GABRB3: variants seen among roughly 807,000 people sequenced by gnomAD.
GABRB3 encodes gamma-aminobutyric acid type A receptor subunit beta3.
In GABRB3, 14 loss-of-function variants were observed where a neutral mutation model predicts 52.1. That is an observed-to-expected ratio of 0.27 (90% CI 0.18 to 0.42). The LOEUF is 0.42. Ranked by LOEUF, GABRB3 falls within the 10% of genes least tolerant of loss-of-function variation. GABRB3 has a pLI of 1.00. For missense variants in GABRB3, 307 were observed against 609.1 expected, an observed-to-expected ratio of 0.50 and a Z score of 5.22; for synonymous variants, 260 against 232.3, an observed-to-expected ratio of 1.12 and a Z score of -1.08.
At chr15:26,665,362 G>A (rs943390223) in intron 3 of GABRB3, among the ~76,000 whole-genome samples, 2 of 152,098 alleles carry the variant, frequency 1.3e-5, no homozygotes, top group African/African-American at 4.8e-5. Flanking sequence ...ATGCAAAACA[G>A]AATCATCATG....
At chr15:26,729,710 T>C (rs1271305761) in intron 3 of GABRB3, among the ~76,000 whole-genome samples, 1 of 152,126 alleles carries the variant, frequency 6.6e-6, no homozygotes, top group Non-Finnish European at 1.5e-5. Context: ...ACACCATCTG[T>C]TCCCTATGCC....
chr15:26,710,744 T>TA lies in GABRB3; in HGVS notation c.240+61657dup, dbSNP rs1410079871. Among the ~76,000 whole-genome samples, 3 of 152,364 alleles carry TA rather than the reference T, an allele frequency of 2.0e-5. No homozygotes were observed. In the East Asian group the frequency reaches 5.8e-4, roughly 29 times the overall value. On this transcript the variant is annotated intron_variant, in intron 3 of 8. Coordinates refer to ENST00000311550, the MANE Select transcript of GABRB3 (RefSeq NM_000814.6). ...TGTCAATCTTCAAGGGAAATATTGATACAAAGAGTGTGCCCATTTTTCAAC... is the reference window on the plus strand; with the variant it reads ...TGTCAATCTTCAAGGGAAATATTGATAACAAAGAGTGTGCCCATTTTTCAAC...
At chr15:26,605,949 C>T (rs34925759) in intron 4 of GABRB3, among the ~76,000 whole-genome samples, 74,638 of 151,856 alleles carry the variant, frequency 0.49, 19,440 homozygotes, top group Middle Eastern at 0.59. Flanking sequence ...CAGCGGAAGT[C>T]GAATACGAAG....
At chr15:26,740,068 TG>T (rs935524654) in intron 3 of GABRB3, among the ~76,000 whole-genome samples, 2 of 152,282 alleles carry the variant, frequency 1.3e-5, no homozygotes, top group African/African-American at 4.8e-5. Context: ...TAAGCCAGTG[TG>T]GGTATCATCA....
chr15:26,678,624 G>T (rs984809791), intron 3 of GABRB3, among the ~76,000 whole-genome samples: 3 of 152,122 alleles, frequency 2.0e-5, no homozygotes, highest in African/African-American at 7.2e-5. Context: ...GAAAAACCGA[G>T]AGAAAGCCAG....
chr15:26,653,659 G>A (rs1887270361), intron 3 of GABRB3, among the ~76,000 whole-genome samples: 1 of 152,102 alleles, frequency 6.6e-6, no homozygotes, highest in Non-Finnish European at 1.5e-5. Context: ...TGATATATTG[G>A]CTGTATCTGG....
At chr15:26,766,155 T>A (rs1320406038) in intron 3 of GABRB3, among the ~76,000 whole-genome samples, 1 of 152,228 alleles carries the variant, frequency 6.6e-6, no homozygotes, top group African/African-American at 2.4e-5. Flanking sequence ...TCATTATGAA[T>A]GACAAAAGAT....
intron 3 of GABRB3, among the ~76,000 whole-genome samples, chr15:26,668,721 G>C (rs965125021): frequency 6.6e-6 from 1 of 152,154 alleles, no homozygotes; most frequent in African/African-American, 2.4e-5. Context: ...TAATCAAGGG[G>C]AGTAAATTGT....
chr15:26,637,498 G>A (rs1893090972), intron 3 of GABRB3, among the ~76,000 whole-genome samples: 2 of 152,164 alleles, frequency 1.3e-5, no homozygotes, highest in South Asian at 2.1e-4. Flanking sequence ...GCAGCATCTA[G>A]GATGGTGCTG....
At chr15:26,753,174 G>A (rs1890563462) in intron 3 of GABRB3, among the ~76,000 whole-genome samples, 1 of 152,150 alleles carries the variant, frequency 6.6e-6, no homozygotes. Context: ...CCAGATGGTG[G>A]AGCTGGTCCT....
chr15:26,686,586 T>G (rs1449783580), intron 3 of GABRB3, among the ~76,000 whole-genome samples: 1 of 152,218 alleles, frequency 6.6e-6, no homozygotes, highest in Non-Finnish European at 1.5e-5. Flanking sequence ...CTTTAACAAT[T>G]AACATGATAA....
At chr15:26,572,047 G>GAAA (rs67382387) in intron 6 of GABRB3, among the ~76,000 whole-genome samples, 73 of 53,026 alleles carry the variant, frequency 1.4e-3, no homozygotes, top group Non-Finnish European at 1.9e-3. Flanking sequence ...TCCGTCTCAA[G>GAAA]AAAAAAAAAA....
chr15:26,671,719 GT>G (rs1456199850), intron 3 of GABRB3, among the ~76,000 whole-genome samples: 1 of 152,152 alleles, frequency 6.6e-6, no homozygotes, highest in Non-Finnish European at 1.5e-5. Flanking sequence ...TGGTTGACAT[GT>G]TTTCAATTTA....
intron 3 of GABRB3, among the ~76,000 whole-genome samples, chr15:26,745,915 T>C (rs1890325382): frequency 6.6e-6 from 1 of 152,204 alleles, no homozygotes; most frequent in African/African-American, 2.4e-5. Context: ...AACATTCGTT[T>C]ATAGGTTTTT....
At chr15:26,742,969 G>C (rs946267986) in intron 3 of GABRB3, among the ~76,000 whole-genome samples, 1 of 140,204 alleles carries the variant, frequency 7.1e-6, no homozygotes, top group African/African-American at 2.7e-5. Context: ...TCGCTATGGC[G>C]CCCAGGCGGG....
At chr15:26,548,253 C>G in intron 8 of GABRB3, 119 bp from the exon 9 acceptor site, 1 of 829,088 alleles carries the variant, frequency 1.2e-6, no homozygotes, top group Non-Finnish European at 2.1e-6. Context: ...AACTGTACAT[C>G]TGTCAAATCC....
chr15:26,696,016 A>C (rs968518895), intron 3 of GABRB3, among the ~76,000 whole-genome samples: 4 of 152,240 alleles, frequency 2.6e-5, no homozygotes, highest in African/African-American at 9.6e-5. Context: ...GGGAACCATG[A>C]AACAATACGA....
intron 3 of GABRB3, among the ~76,000 whole-genome samples, chr15:26,677,662 A>G (rs1297150783): frequency 6.6e-6 from 1 of 152,242 alleles, no homozygotes; most frequent in Non-Finnish European, 1.5e-5. Flanking sequence ...GGGAACCAAA[A>G]TTACAATACT....
chr15:26,609,456 C>T (rs1891982079), intron 4 of GABRB3, among the ~76,000 whole-genome samples: 2 of 152,086 alleles, frequency 1.3e-5, no homozygotes, highest in African/African-American at 2.4e-5. Context: ...TTTAAGAAAA[C>T]ATGAAACAAA....
Sources: gnomAD v4.1 joint callset for allele counts (sites outside exome capture counted in the v4.1 genomes callset) on GRCh38, gnomAD v4.1.1 for gene constraint, MANE v1.5 for transcripts, NCBI Gene and HGNC (gene_info 2026-07-23, HGNC 2026-07-21) for gene names.